Variants in RGS22 observed in about 807,000 individuals in gnomAD.
RGS22 encodes the protein regulator of G-protein signaling 22.
In RGS22, 148 loss-of-function variants were observed where a neutral mutation model predicts 172.9. That is an observed-to-expected ratio of 0.86 (90% CI 0.75 to 0.98). The LOEUF (loss-of-function observed/expected upper bound fraction) is 0.98, where lower values mean the gene tolerates loss of function less well. Among genes scored for constraint, RGS22 ranks in the 50% least tolerant of loss-of-function variants. The pLI is 0.00. For missense variants in RGS22, 1,347 were observed against 1,440.8 expected (o/e 0.93, Z 1.05); for synonymous variants, 458 against 480.2 (o/e 0.95, Z 0.60).
intron 14 of RGS22, among the ~76,000 whole-genome samples, chr8:100,015,597 G>C (rs548306413): frequency 3.9e-5 from 6 of 151,974 alleles, no homozygotes; most frequent in Non-Finnish European, 7.4e-5. Context: ...CTGGCCTCCA[G>C]TTTTCATTAA....
At chr8:100,098,302 C>T (rs1813140785) in intron 2 of RGS22, among the ~76,000 whole-genome samples, 1 of 151,858 alleles carries the variant, frequency 6.6e-6, no homozygotes, top group African/African-American at 2.4e-5. Context: ...GACATGAAAC[C>T]TAAAGAGAAA....
chr8:99,962,336 G>T, intron 27 of RGS22, 58 bp downstream of exon 27: 1 of 1,073,416 alleles, frequency 9.3e-7, no homozygotes, highest in South Asian at 1.3e-5. Flanking sequence ...GCATGTACAT[G>T]AATGAGTGTA....
intron 23 of RGS22, among the ~76,000 whole-genome samples, chr8:99,970,422 C>G (rs1811211406): frequency 6.6e-6 from 1 of 152,120 alleles, no homozygotes; most frequent in Middle Eastern, 3.4e-3. Flanking sequence ...AAAAACCCTT[C>G]AAAAAATCAA....
intron 6 of RGS22, among the ~76,000 whole-genome samples, chr8:100,067,243 A>T (rs1810596993): frequency 6.6e-6 from 1 of 152,186 alleles, no homozygotes; most frequent in Non-Finnish European, 1.5e-5. Flanking sequence ...CAAGCCACAT[A>T]AGAAGACCAA....
At chr8:100,073,681 A>C (rs1811149029) in intron 4 of RGS22, among the ~76,000 whole-genome samples, 1 of 152,192 alleles carries the variant, frequency 6.6e-6, no homozygotes, top group South Asian at 2.1e-4. Flanking sequence ...TGTATCACAG[A>C]AAGATACCAA....
chr8:100,035,019 C>T (rs576842110), intron 14 of RGS22, among the ~76,000 whole-genome samples: 14 of 152,112 alleles, frequency 9.2e-5, no homozygotes, highest in African/African-American at 2.9e-4. Context: ...AGAAAACATA[C>T]GCAATACCAT....
At chr8:99,990,719 A>T (rs1813626169) in intron 20 of RGS22, among the ~76,000 whole-genome samples, 1 of 152,196 alleles carries the variant, frequency 6.6e-6, no homozygotes, top group African/African-American at 2.4e-5. Context: ...GGCAGCAGAC[A>T]ACTTCTGCAG....
chr8:99,975,125 G>C (rs202067999), intron 23 of RGS22, among the ~76,000 whole-genome samples: 1 of 150,862 alleles, frequency 6.6e-6, no homozygotes, highest in Non-Finnish European at 1.5e-5. Flanking sequence ...TAGCCTGGGC[G>C]ACAGAGTGAG....
intron 14 of RGS22, among the ~76,000 whole-genome samples, chr8:100,016,019 T>C (rs1816908959): frequency 6.6e-6 from 1 of 152,222 alleles, no homozygotes; most frequent in Non-Finnish European, 1.5e-5. Flanking sequence ...TGGGTTTAGA[T>C]GATAAATTAT....
At chr8:100,017,605 T>C (rs906119244) in intron 14 of RGS22, among the ~76,000 whole-genome samples, 1 of 152,090 alleles carries the variant, frequency 6.6e-6, no homozygotes, top group Admixed American at 6.5e-5. Flanking sequence ...TGAGTATATA[T>C]ATATATAGCA....
At chr8:100,082,335 A>G (rs925358412) in intron 3 of RGS22, among the ~76,000 whole-genome samples, 2 of 152,166 alleles carry the variant, frequency 1.3e-5, no homozygotes, top group Non-Finnish European at 2.9e-5. Context: ...GGTAAGCAGC[A>G]TAACACTCAA....
intron 20 of RGS22, among the ~76,000 whole-genome samples, chr8:99,994,328 CCT>C (rs1193172331): frequency 3.3e-5 from 5 of 152,096 alleles, no homozygotes; most frequent in Non-Finnish European, 7.4e-5. Context: ...TCAAATTGTC[CCT>C]GTTTGCAGAT....
intron 3 of RGS22, among the ~76,000 whole-genome samples, chr8:100,083,878 GCT>G (rs1811963501): frequency 1.6e-5 from 2 of 128,902 alleles, no homozygotes; most frequent in Admixed American, 1.7e-4. Context: ...ACAGAGTCTT[GCT>G]CTGTCGCCAG....
intron 5 of RGS22, 112 bp downstream of exon 5, chr8:100,072,033 C>T (rs902086487): frequency 6.9e-5 from 45 of 655,648 alleles, no homozygotes; most frequent in South Asian, 3.3e-4. Flanking sequence ...CCTGACTCTA[C>T]AAAGAATTTA....
chr8:100,020,083 C>T (rs1225980169), intron 14 of RGS22, among the ~76,000 whole-genome samples: 1 of 151,940 alleles, frequency 6.6e-6, no homozygotes, highest in African/African-American at 2.4e-5. Flanking sequence ...GAAGTTTCTC[C>T]ATGTTGGTCA....
chr8:100,102,446 T>C (rs1453463043), intron 2 of RGS22, among the ~76,000 whole-genome samples: 1 of 152,226 alleles, frequency 6.6e-6, no homozygotes, highest in Admixed American at 6.5e-5. Context: ...AATTTATTAA[T>C]GAAAACAATA....
Position 100,080,127 on chromosome 8 carries a change from T to A in RGS22, c.339+7A>T, listed in dbSNP as rs1053359967. The A allele has an allele frequency of 2.5e-6, 4 of 1,570,450 alleles. No homozygotes were observed. The African/African-American group carries it at 5.4e-5, about 21-fold the overall frequency. On this transcript the variant is annotated splice_region_variant and intron_variant, in intron 4 of 27. Transcript: ENST00000360863. Reference sequence around the variant, plus strand: ...ATCTAACAAGATAAAACAGTATACTTTCTTACCATAATATTGTAGTTGACA... The same window carrying A: ...ATCTAACAAGATAAAACAGTATACTATCTTACCATAATATTGTAGTTGACA...
At chr8:99,987,964 T>C (rs758921848) in intron 20 of RGS22, among the ~76,000 whole-genome samples, 2 of 151,708 alleles carry the variant, frequency 1.3e-5, no homozygotes, top group African/African-American at 4.8e-5. Flanking sequence ...GTTATGATTA[T>C]ATGTTATTAC....
At chr8:99,987,688 T>C in intron 20 of RGS22, 69 bp from the exon 21 acceptor site, 1 of 1,265,748 alleles carries the variant, frequency 7.9e-7, no homozygotes, top group Non-Finnish European at 1.0e-6. Flanking sequence ...TTCTATCTCC[T>C]AAAATTTTGC....
Sources: allele counts gnomAD v4.1 joint callset (sites outside exome capture counted in the v4.1 genomes callset), GRCh38; gene constraint gnomAD v4.1.1; transcripts MANE v1.5; gene names NCBI Gene and HGNC (gene_info 2026-07-23, HGNC 2026-07-21).